The following CLIC1 variants were observed in gnomAD, a reference collection of about 807,000 sequenced individuals.
CLIC1 encodes chloride intracellular channel protein 1.
A neutral mutation model predicts 26.4 loss-of-function variants in CLIC1; 16 were observed. The ratio of observed to expected loss-of-function variants is 0.61; its 90% CI spans 0.41 to 0.92. The LOEUF (loss-of-function observed/expected upper bound fraction) is 0.92, where lower values mean the gene tolerates loss of function less well. Among genes scored for constraint, CLIC1 ranks in the 40% least tolerant of loss-of-function variants. The pLI, the probability that CLIC1 is intolerant of heterozygous loss-of-function variation, is 0.00. For missense variants in CLIC1, 225 were observed against 289.7 expected (o/e 0.78, Z 1.62); for synonymous variants, 98 against 120.8 (o/e 0.81, Z 1.24).
chr6:31,737,067 C>CG (rs1748828566), upstream of CLIC1: 5 of 388,332 alleles, frequency 1.3e-5, no homozygotes, highest in South Asian at 4.3e-4. Context: ...CTACTGTCTC[C>CG]GGGCCCAGCT....
At chr6:31,731,037 T>C in intron 5 of CLIC1, 34 bp from the exon 6 acceptor site, 1 of 1,602,520 alleles carries the variant, frequency 6.2e-7, no homozygotes, top group Non-Finnish European at 8.5e-7. Flanking sequence ...ACCAACATGT[T>C]AGACCCAGGG....
In CLIC1 at chr6:31,730,921, C is replaced by CG. The variant is rs1562192675; in HGVS notation, c.646dup (p.Arg216ProfsTer11). The CG allele has an allele frequency of 1.9e-6, 3 of 1,613,080 alleles. No homozygotes were observed. Among genetic ancestry groups the CG allele is most frequent in the Non-Finnish European group, 2.5e-6 (3 of 1,180,030 alleles). On this transcript the variant is annotated frameshift_variant, in exon 6 of 6. Coordinates refer to ENST00000375784, the Ensembl canonical transcript of CLIC1. LOFTEE classifies it high-confidence loss of function. The surrounding 1 kb of genome is among the most constrained non-coding windows in gnomAD (Gnocchi z 5.1). Reference sequence around the variant, plus strand: ...TGGACAGGTGGAAGCGAATTCTTCCCGGGCGTAGGCATTGCTCAAGTACCG... The same window carrying CG: ...TGGACAGGTGGAAGCGAATTCTTCCCGGGGCGTAGGCATTGCTCAAGTACCG...
Position 31,734,035 on chromosome 6 carries a change from G to GTTATC in CLIC1, c.150-75_150-74insGATAA, listed in dbSNP as rs1167558621. ...CCAGAAAGGGGGAATGGAGGACGTG[G>GTTATC]GATAAGAAAGGGACTCCAGGGGGAG... On this transcript the variant is annotated intron_variant, in intron 2 of 5. Coordinates refer to ENST00000375784, the Ensembl canonical transcript of CLIC1. The surrounding 1 kb of genome is among the most constrained non-coding windows in gnomAD (Gnocchi z 5.3). The GTTATC allele has an allele frequency of 1.9e-6, 3 of 1,597,282 alleles. No individual in the cohort carries two copies. Among genetic ancestry groups the GTTATC allele is most frequent in the African/African-American group, 2.7e-5 (2 of 74,512 alleles).
chr6:31,734,106 C>T lies in CLIC1; in HGVS notation c.149+48G>A. ...AAGGACTCGGGTGGGTGTGTGTTTG[C>T]ACACATGTGTACACCAGGGGTGTTT... On this transcript the variant is annotated intron_variant, in intron 2 of 5. Coordinates refer to ENST00000375784, the Ensembl canonical transcript of CLIC1. The surrounding 1 kb of genome is among the most constrained non-coding windows in gnomAD (Gnocchi z 5.3). 6.3e-7 allele frequency: 1 copy of T among 1,582,186 alleles called. No individual in the cohort carries two copies. Among genetic ancestry groups the T allele is most frequent in the Non-Finnish European group, 8.7e-7 (1 of 1,151,136 alleles).
In CLIC1 at chr6:31,733,540, C is replaced by G; in HGVS notation, c.382+26G>C. On this transcript the variant is annotated intron_variant, in intron 4 of 5. Transcript: ENST00000375784. The surrounding 1 kb of genome is among the most constrained non-coding windows in gnomAD (Gnocchi z 5.4). ...GGGTCCTCTCTATTCCTCCCAGGAC[C>G]CAGGCCTCTGACCCACAAGACTCAC... 2 of 1,575,952 alleles carry G rather than the reference C, an allele frequency of 1.3e-6. No homozygotes were observed. The highest frequency in any genetic ancestry group is 4.0e-4 in the Middle Eastern group (2 of 5,054).
At position 31,732,293 on chromosome 6, in the gene CLIC1, G is replaced by A. The variant is rs768401605; in HGVS notation, c.488C>T (p.Ser163Phe). The stretch of plus-strand genomic sequence containing the variant: ...GTTGCCATCCAAAAACTTCCTCTGA[G>A]AGACACCTTCATCTTCAGCACTGGT... The change falls in exon 5 of 6, where the codon TCT becomes TTT. Residue 163 changes from serine to phenylalanine, a missense_variant. Ser to Phe is a radical substitution (Grantham distance 155). Transcript: ENST00000375784. The surrounding 1 kb of genome is among the most constrained non-coding windows in gnomAD (Gnocchi z 5.0). The A allele has an allele frequency of 6.3e-7, 1 of 1,598,192 alleles. No individual in the cohort carries two copies. The highest frequency in any genetic ancestry group is 1.8e-5 in the Admixed American group (1 of 56,854).
Position 31,733,846 on chromosome 6 carries a change from A to G in CLIC1, c.265T>C (p.Cys89Arg), listed in dbSNP as rs145096774. Residue 89 changes from cysteine (C) to arginine (R), a missense_variant, in exon 3 of 6, where the codon TGC (cysteine) becomes CGC (arginine). Transcript: ENST00000375784. The surrounding 1 kb of genome is among the most constrained non-coding windows in gnomAD (Gnocchi z 5.4). ...TGAGTGCCCCTATACCTGGGAGGGCACAGCACTGCCTCCAGAAATTCCTCA... is the reference window on the plus strand; with the variant it reads ...TGAGTGCCCCTATACCTGGGAGGGCGCAGCACTGCCTCCAGAAATTCCTCA... 8.4e-5 allele frequency: 136 copies of G among 1,614,122 alleles called. No individual in the cohort carries two copies. The East Asian group carries it at 2.7e-3, about 32-fold the overall frequency.
upstream of CLIC1, chr6:31,736,933 G>A: frequency 2.0e-6 from 2 of 985,750 alleles, no homozygotes; most frequent in Non-Finnish European, 2.4e-6. This position sits in a 1 kb window ranked among gnomAD's most constrained non-coding sequence, Gnocchi z 5.0. Context: ...GAACTCGGAA[G>A]TGGAAGGCTG....
rs1807844724 is a variant in CLIC1, at chr6:31,730,650, C to T, written c.*192G>A. On this transcript the variant is annotated 3_prime_UTR_variant, in exon 6 of 6. Coordinates refer to ENST00000375784, the Ensembl canonical transcript of CLIC1. The surrounding 1 kb of genome is among the most constrained non-coding windows in gnomAD (Gnocchi z 5.1). The stretch of plus-strand genomic sequence containing the variant: ...ATATGTTGTCCTACTCATCCCACCC[C>T]ACAATAAAAATCTGACCCAGGCCCC... 2 of 603,406 alleles carry T rather than the reference C, an allele frequency of 3.3e-6. No homozygotes were observed. The highest frequency in any genetic ancestry group is 5.9e-6 in the Non-Finnish European group (2 of 337,662). 37.4% of individuals were successfully genotyped at this position (603,406 alleles called of 1,614,324 possible).
Position 31,733,492 on chromosome 6 carries a change from G to T in CLIC1, c.382+74C>A. On this transcript the variant is annotated intron_variant, in intron 4 of 5. Transcript: ENST00000375784. This position sits in a 1 kb window ranked among gnomAD's most constrained non-coding sequence, Gnocchi z 5.4. Reference sequence around the variant, plus strand: ...CTCCCTGATATCTGAACGTCCAGGTGCCCCTAATGTCTCCTACCCGCTGGG... The same window carrying T: ...CTCCCTGATATCTGAACGTCCAGGTTCCCCTAATGTCTCCTACCCGCTGGG... 1 of 995,060 alleles carries T rather than the reference G, an allele frequency of 1.0e-6. No individual in the cohort carries two copies. The highest frequency in any genetic ancestry group is 1.6e-6 in the Non-Finnish European group (1 of 629,382). The allele number at this position is 995,060 out of a possible 1,614,324, so 61.6% of individuals were successfully genotyped here. A position where few individuals can be genotyped will look rare whatever the true frequency, so the allele number is the denominator to read the frequency against.
In CLIC1 at chr6:31,732,081, T is replaced by C. The variant is rs935812029; in HGVS notation, c.564+136A>G. On this transcript the variant is annotated intron_variant, in intron 5 of 5. Transcript: ENST00000375784. The surrounding 1 kb of genome is among the most constrained non-coding windows in gnomAD (Gnocchi z 5.0). ...TGCTGCAAAGGACTGGGGTGGGGTC[T>C]GCCATTGGTAGCAATTTATGAAAAC... 1 of 577,078 alleles carries C rather than the reference T, an allele frequency of 1.7e-6. No individual in the cohort carries two copies. Among genetic ancestry groups the C allele is most frequent in the African/African-American group, 1.9e-5 (1 of 51,950 alleles). The allele number at this position is 577,078 out of a possible 1,614,324, so 35.7% of individuals were successfully genotyped here. A position where few individuals can be genotyped will look rare whatever the true frequency, so the allele number is the denominator to read the frequency against.
upstream of CLIC1, chr6:31,736,815 A>G: frequency 2.0e-6 from 2 of 988,532 alleles, no homozygotes; most frequent in Non-Finnish European, 2.4e-6. The surrounding 1 kb of genome is among the most constrained non-coding windows in gnomAD (Gnocchi z 5.0). Context: ...ACACCCGTGA[A>G]GATTCAGGGA....
At position 31,732,480 on chromosome 6, in the gene CLIC1, G is replaced by A. The variant is rs1299793730; in HGVS notation, c.383-82C>T. 1 of 945,808 alleles carries A rather than the reference G, an allele frequency of 1.1e-6. No individual in the cohort carries two copies. The allele number at this position is 945,808 out of a possible 1,614,324, so 58.6% of individuals were successfully genotyped here. A position where few individuals can be genotyped will look rare whatever the true frequency, so the allele number is the denominator to read the frequency against. ...AGGCCCGTTGGGGGTGGATACTAATGGTGAGTCCAAAATAATAATAGCTAA... is the reference window on the plus strand; with the variant it reads ...AGGCCCGTTGGGGGTGGATACTAATAGTGAGTCCAAAATAATAATAGCTAA... On this transcript the variant is annotated intron_variant, in intron 4 of 5. Coordinates refer to ENST00000375784, the Ensembl canonical transcript of CLIC1. This position sits in a 1 kb window ranked among gnomAD's most constrained non-coding sequence, Gnocchi z 5.0.
At position 31,732,473 on chromosome 6, in the gene CLIC1, T is replaced by C; in HGVS notation, c.383-75A>G. The stretch of plus-strand genomic sequence containing the variant: ...TCCGAAAAGGCCCGTTGGGGGTGGA[T>C]ACTAATGGTGAGTCCAAAATAATAA... On this transcript the variant is annotated intron_variant, in intron 4 of 5. Coordinates refer to ENST00000375784, the Ensembl canonical transcript of CLIC1. This position sits in a 1 kb window ranked among gnomAD's most constrained non-coding sequence, Gnocchi z 5.0. 2 of 1,107,054 alleles carry C rather than the reference T, an allele frequency of 1.8e-6. No individual in the cohort carries two copies. Among genetic ancestry groups the C allele is most frequent in the Middle Eastern group, 3.2e-4 (1 of 3,132 alleles). 68.6% of individuals were successfully genotyped at this position (1,107,054 alleles called of 1,614,324 possible). A position where few individuals can be genotyped will look rare whatever the true frequency, so the allele number is the denominator to read the frequency against.
In CLIC1 at chr6:31,734,841, C is replaced by T. The variant is rs1314982516; in HGVS notation, c.40-578G>A. On this transcript the variant is annotated intron_variant, in intron 1 of 5. Coordinates refer to ENST00000375784, the Ensembl canonical transcript of CLIC1. The surrounding 1 kb of genome is among the most constrained non-coding windows in gnomAD (Gnocchi z 5.3). The stretch of plus-strand genomic sequence containing the variant: ...ACCTCCCCCTAAGCTGAGGGTGATT[C>T]ATCTCTCTGTCTCCGGCTTCCTTCC... 2.0e-5 allele frequency among the ~76,000 whole-genome samples: 3 copies of T among 152,194 alleles called. No individual in the cohort carries two copies. Among genetic ancestry groups the T allele is most frequent in the Middle Eastern group, 6.8e-3 (2 of 294 alleles).
rs914330064 is a variant in CLIC1, at chr6:31,734,672, G to C, written c.40-409C>G. 6.6e-6 allele frequency among the ~76,000 whole-genome samples: 1 copy of C among 152,152 alleles called. No homozygotes were observed. Among genetic ancestry groups the C allele is most frequent in the Non-Finnish European group, 1.5e-5 (1 of 68,016 alleles). Reference sequence around the variant, plus strand: ...GGTGGGGTTTGGGAGCCAGAGTTTTGGTTCTCTACACCTCCAATCCAAGGT... The same window carrying C: ...GGTGGGGTTTGGGAGCCAGAGTTTTCGTTCTCTACACCTCCAATCCAAGGT... On this transcript the variant is annotated intron_variant, in intron 1 of 5. Coordinates refer to ENST00000375784, the Ensembl canonical transcript of CLIC1. This position sits in a 1 kb window ranked among gnomAD's most constrained non-coding sequence, Gnocchi z 5.3.
upstream of CLIC1, chr6:31,736,599 G>A (rs191395499): frequency 7.0e-6 from 9 of 1,287,844 alleles, no homozygotes; most frequent in Middle Eastern, 3.0e-4. The surrounding 1 kb of genome is among the most constrained non-coding windows in gnomAD (Gnocchi z 5.0). Flanking sequence ...GGGACTCGAC[G>A]ATGTAGGGAG....
intron 5 of CLIC1, among the ~76,000 whole-genome samples, chr6:31,731,316 T>A (rs1217232891): frequency 6.6e-6 from 1 of 152,176 alleles, no homozygotes; most frequent in Non-Finnish European, 1.5e-5. Context: ...AGACTTTTTT[T>A]TTTTTGAGAT....
Position 31,736,165 on chromosome 6 carries a change from CAAGGAGGGAAGGGATTGGGGAGTT to C in CLIC1, c.39+73_39+96del, listed in dbSNP as rs1378742286. 54 of 1,304,618 alleles carry C rather than the reference CAAGGAGGGAAGGGATTGGGGAGTT, an allele frequency of 4.1e-5. No individual in the cohort carries two copies. Among genetic ancestry groups the C allele is most frequent in the Non-Finnish European group, 5.6e-5 (51 of 903,220 alleles). 80.8% of individuals were successfully genotyped at this position (1,304,618 alleles called of 1,614,324 possible). A position where few individuals can be genotyped will look rare whatever the true frequency, so the allele number is the denominator to read the frequency against. On this transcript the variant is annotated intron_variant, in intron 1 of 5. Coordinates refer to ENST00000375784, the Ensembl canonical transcript of CLIC1. The surrounding 1 kb of genome is among the most constrained non-coding windows in gnomAD (Gnocchi z 5.0). ...TGCACGTGGGATTGGGGGTGGGAGT[CAAGGAGGGAAGGGATTGGGGAGTT>C]AAGGCTGGACCGGGGGAAAGGTGAG...
Sources: allele counts gnomAD v4.1 joint callset (sites outside exome capture counted in the v4.1 genomes callset), GRCh38; gene constraint gnomAD v4.1.1; non-coding constraint Gnocchi (gnomAD v3.1); transcripts MANE v1.5; gene names NCBI Gene and HGNC (gene_info 2026-07-23, HGNC 2026-07-21).